The following GRIK4 variants were observed in gnomAD, a reference collection of about 807,000 sequenced individuals.
GRIK4 encodes the protein glutamate ionotropic receptor kainate type subunit 4.
A neutral mutation model predicts 104.9 loss-of-function variants in GRIK4; 40 were observed. The ratio of observed to expected loss-of-function variants is 0.38; its 90% confidence interval spans 0.30 to 0.50. The LOEUF is 0.50. GRIK4 is among the 20% of genes least tolerant of loss of function. The probability of loss-of-function intolerance (pLI) is 0.93; values close to 1 mark genes in which losing one functional copy is unlikely to be tolerated. For synonymous variants in GRIK4, 485 were observed against 524.9 expected (o/e 0.92, Z 1.04); for missense variants, 1,047 against 1,308.1 (o/e 0.80, Z 3.08).
intron 1 of GRIK4, among the ~76,000 whole-genome samples, chr11:120,590,164 A>G (rs1007612050): frequency 2.0e-5 from 3 of 151,860 alleles, no homozygotes; most frequent in Non-Finnish European, 4.4e-5. Flanking sequence ...CAGAGCCTTC[A>G]CCTTACCCCT....
At chr11:120,881,475 T>C (rs1018808543) in intron 11 of GRIK4, among the ~76,000 whole-genome samples, 2 of 152,198 alleles carry the variant, frequency 1.3e-5, no homozygotes, top group Non-Finnish European at 2.9e-5. Flanking sequence ...CCTTGTGAGC[T>C]GACAGCCAGA....
At chr11:120,624,357 A>G in intron 1 of GRIK4, among the ~76,000 whole-genome samples, 1 of 151,864 alleles carries the variant, frequency 6.6e-6, no homozygotes, top group African/African-American at 2.4e-5. Flanking sequence ...TGGGACCTCC[A>G]TTGGTGCCCC....
intron 3 of GRIK4, among the ~76,000 whole-genome samples, chr11:120,782,674 G>A (rs1021605864): frequency 2.0e-5 from 3 of 152,162 alleles, no homozygotes; most frequent in Admixed American, 1.3e-4. Flanking sequence ...TGCCTTCTGT[G>A]GAGATTCCTC....
intron 13 of GRIK4, among the ~76,000 whole-genome samples, chr11:120,918,052 G>A (rs1045185945): frequency 1.2e-4 from 19 of 152,272 alleles, no homozygotes; most frequent in African/African-American, 4.3e-4. Context: ...CTCTAGTCTC[G>A]ATTCCCCAGC....
chr11:120,543,520 A>T (rs548945469), intron 1 of GRIK4, among the ~76,000 whole-genome samples: 62 of 152,332 alleles, frequency 4.1e-4, no homozygotes, highest in African/African-American at 1.5e-3. Flanking sequence ...TGTTGCAGTG[A>T]GCTGAGATCA....
chr11:120,811,586 A>G (rs1262826701), intron 4 of GRIK4, among the ~76,000 whole-genome samples: 7 of 152,222 alleles, frequency 4.6e-5, no homozygotes, highest in Non-Finnish European at 5.9e-5. Flanking sequence ...GTTAACACTC[A>G]GTACATGTAG....
intron 19 of GRIK4, among the ~76,000 whole-genome samples, chr11:120,977,120 G>C (rs377544183): frequency 6.6e-6 from 1 of 152,172 alleles, no homozygotes; most frequent in African/African-American, 2.4e-5. Flanking sequence ...GGCAATCTGC[G>C]GGTGACACCA....
chr11:120,776,872 CAA>C (rs568573704), intron 3 of GRIK4, among the ~76,000 whole-genome samples: 499 of 152,330 alleles, frequency 3.3e-3, no homozygotes, highest in Non-Finnish European at 4.7e-3. Context: ...GAGCAAGAGA[CAA>C]GAGAGAGAAG....
intron 3 of GRIK4, among the ~76,000 whole-genome samples, chr11:120,703,586 G>A (rs1950585276): frequency 1.3e-5 from 2 of 151,916 alleles, no homozygotes; most frequent in South Asian, 4.2e-4. Flanking sequence ...GAGGACAGGA[G>A]GGTATATCTA....
At chr11:120,985,536 A>G (rs1944726987) in intron 20 of GRIK4, among the ~76,000 whole-genome samples, 1 of 152,008 alleles carries the variant, frequency 6.6e-6, no homozygotes, top group Non-Finnish European at 1.5e-5. Flanking sequence ...GTAGGCTTCA[A>G]GGTCCAAACT....
Position 120,953,834 on chromosome 11 carries a change from A to C in GRIK4, c.1700+870A>C, listed in dbSNP as rs982256836. On this transcript the variant is annotated intron_variant, in intron 15 of 20. Coordinates refer to ENST00000527524, the MANE Select transcript of GRIK4 (RefSeq NM_014619.5). The surrounding 1 kb of genome is among the most constrained non-coding windows in gnomAD (Gnocchi z 4.9). ...CTGGTGGCTCCCAGGCCACTCACTCAGGTCCCTAGTGCTGCTAACCCTCCA... is the reference window on the plus strand; with the variant it reads ...CTGGTGGCTCCCAGGCCACTCACTCCGGTCCCTAGTGCTGCTAACCCTCCA... Among the ~76,000 whole-genome samples, 2 of 152,188 alleles carry C rather than the reference A, an allele frequency of 1.3e-5. No individual in the cohort carries two copies. The highest frequency in any genetic ancestry group is 2.9e-5 in the Non-Finnish European group (2 of 68,018).
intron 1 of GRIK4, among the ~76,000 whole-genome samples, chr11:120,608,689 G>A (rs1409235261): frequency 6.6e-6 from 1 of 152,192 alleles, no homozygotes; most frequent in Non-Finnish European, 1.5e-5. Flanking sequence ...TAACTACGGT[G>A]CAAACAACTG....
chr11:120,934,141 G>C lies in GRIK4; in HGVS notation c.1477-6206G>C, dbSNP rs1342910812. On this transcript the variant is annotated intron_variant, in intron 13 of 20. Transcript: ENST00000527524. ...AATGGCGTGAACCCGGGAGGCGGAGGTTGCAGTGAGCCGAGATCACGCCAC... is the reference window on the plus strand; with the variant it reads ...AATGGCGTGAACCCGGGAGGCGGAGCTTGCAGTGAGCCGAGATCACGCCAC... Among the ~76,000 whole-genome samples, 21 of 149,582 alleles carry C rather than the reference G, an allele frequency of 1.4e-4. No individual in the cohort carries two copies. In the South Asian group the frequency reaches 1.9e-3, roughly 14 times the overall value.
At position 120,819,142 on chromosome 11, in the gene GRIK4, T is replaced by G. The variant is rs368905151; in HGVS notation, c.346-613T>G. On this transcript the variant is annotated intron_variant, in intron 5 of 20. Coordinates refer to ENST00000527524, the MANE Select transcript of GRIK4 (RefSeq NM_014619.5). This position sits in a 1 kb window ranked among gnomAD's most constrained non-coding sequence, Gnocchi z 4.3. Reference sequence around the variant, plus strand: ...TATTTACCTGGCTGTGTTCAGAGGTTCTCTAGATGGTTTCTCCGCCTGCAG... The same window carrying G: ...TATTTACCTGGCTGTGTTCAGAGGTGCTCTAGATGGTTTCTCCGCCTGCAG... Among the ~76,000 whole-genome samples the G allele has an allele frequency of 1.9e-4, 29 of 152,268 alleles. No individual in the cohort carries two copies. Among genetic ancestry groups the G allele is most frequent in the African/African-American group, 6.7e-4 (28 of 41,550 alleles).
chr11:120,682,960 C>T lies in GRIK4; in HGVS notation c.82+22560C>T, dbSNP rs376019414. Among the ~76,000 whole-genome samples, 210 of 152,138 alleles carry T rather than the reference C, an allele frequency of 1.4e-3. 1 individual carries two copies. Among genetic ancestry groups the T allele is most frequent in the African/African-American group, 4.8e-3 (201 of 41,514 alleles). On this transcript the variant is annotated intron_variant, in intron 3 of 20. Coordinates refer to ENST00000527524, the MANE Select transcript of GRIK4 (RefSeq NM_014619.5). ...GTTCTCTAAAACCCAGGTTAAGTGT[C>T]GTGTTCTCTGTGACACGCTCCCTGA... is the stretch of plus-strand genomic sequence containing the variant.
chr11:120,584,958 G>A (rs1355621119), intron 1 of GRIK4, among the ~76,000 whole-genome samples: 1 of 152,200 alleles, frequency 6.6e-6, no homozygotes, highest in Non-Finnish European at 1.5e-5. Flanking sequence ...TGGTTTGCTA[G>A]TATTTTGTTG....
intron 1 of GRIK4, among the ~76,000 whole-genome samples, chr11:120,547,135 T>C (rs894001432): frequency 1.3e-5 from 2 of 152,146 alleles, no homozygotes; most frequent in African/African-American, 4.8e-5. Flanking sequence ...TCCCCTTCCC[T>C]CTCTTCCCTC....
chr11:120,970,207 C>T (rs944519301), intron 19 of GRIK4, among the ~76,000 whole-genome samples: 4 of 152,238 alleles, frequency 2.6e-5, no homozygotes, highest in Non-Finnish European at 5.9e-5. Flanking sequence ...GAGCTGTCCG[C>T]TCACACTCAG....
rs1233584388 is a variant in GRIK4, at chr11:120,513,590, G to A, written c.-159+1703G>A. 1.3e-5 allele frequency among the ~76,000 whole-genome samples: 2 copies of A among 152,158 alleles called. No homozygotes were observed. Among genetic ancestry groups the A allele is most frequent in the East Asian group, 1.9e-4 (1 of 5,190 alleles). ...GTGTTCCTCAAGGTCACGACCCTTC[G>A]GAGAGTTAATCTAATATGCACACAT... is the stretch of plus-strand genomic sequence containing the variant. On this transcript the variant is annotated intron_variant, in intron 1 of 20. Transcript: ENST00000527524. The surrounding 1 kb of genome is among the most constrained non-coding windows in gnomAD (Gnocchi z 4.5).
Sources: gnomAD v4.1 joint callset for allele counts (sites outside exome capture counted in the v4.1 genomes callset) on GRCh38, gnomAD v4.1.1 for gene constraint, Gnocchi (gnomAD v3.1) non-coding constraint, MANE v1.5 for transcripts, NCBI Gene and HGNC (gene_info 2026-07-23, HGNC 2026-07-21) for gene names.